The following SEPTIN10 variants were observed in gnomAD, a reference collection of about 807,000 sequenced individuals.
SEPTIN10 encodes septin-10.
Under a neutral mutation model 54.8 loss-of-function variants are expected in SEPTIN10, and 66 were observed. The ratio of observed to expected loss-of-function variants is 1.21; its 90% CI spans 0.99 to 1.48. SEPTIN10 has a LOEUF of 1.48. Among genes scored for constraint, SEPTIN10 ranks in the 40% most tolerant of loss-of-function variants. The pLI is 0.00. For synonymous variants in SEPTIN10, 161 were observed against 181.0 expected, an observed-to-expected ratio of 0.89 and a Z score of 0.89; for missense variants, 620 against 545.6, an observed-to-expected ratio of 1.14 and a Z score of -1.36.
intron 8 of SEPTIN10, among the ~76,000 whole-genome samples, chr2:109,557,057 A>G (rs1017671007): frequency 2.0e-5 from 3 of 152,118 alleles, no homozygotes; most frequent in Non-Finnish European, 4.4e-5. Context: ...GCATTAGGAG[A>G]TATACCTAAT....
chr2:109,565,816 T>G lies in SEPTIN10; in HGVS notation c.806A>C (p.Lys269Thr). ...AGCTTTGACCATCTTGTTTCCGACT[T>G]TTACCTCATCCATACTTCCCACAAC... ...FAVVGSMDEV[K>T]VGNKMVKARQ... Residue 269 changes from lysine to threonine, a missense_variant, in exon 7 of 11, where the codon AAA (lysine) becomes ACA (threonine). Lys to Thr is a moderately conservative substitution (Grantham distance 78). Coordinates refer to ENST00000397712, the MANE Select transcript of SEPTIN10 (RefSeq NM_144710.5). 6.2e-7 allele frequency: 1 copy of G among 1,614,058 alleles called. No homozygotes were observed. Among genetic ancestry groups the G allele is most frequent in the Non-Finnish European group, 8.5e-7 (1 of 1,180,002 alleles).
chr2:109,588,991 A>C (rs1693284066), intron 2 of SEPTIN10, among the ~76,000 whole-genome samples: 3 of 152,042 alleles, frequency 2.0e-5, no homozygotes, highest in Non-Finnish European at 1.5e-5. Flanking sequence ...ATAGAAAATT[A>C]GTTATCAAGA....
At chr2:109,551,528 G>A (rs1484982134) in intron 9 of SEPTIN10, among the ~76,000 whole-genome samples, 1 of 152,142 alleles carries the variant, frequency 6.6e-6, no homozygotes, top group Non-Finnish European at 1.5e-5. Context: ...CCAATCTTGG[G>A]GCAACTGGGG....
At chr2:109,588,413 T>C (rs1400433363) in intron 2 of SEPTIN10, among the ~76,000 whole-genome samples, 1 of 152,186 alleles carries the variant, frequency 6.6e-6, no homozygotes, top group Non-Finnish European at 1.5e-5. Context: ...CATGCACAAG[T>C]AAAATGTATA....
At chr2:109,545,918 C>T in intron 10 of SEPTIN10, 132 bp downstream of exon 10, 1 of 1,451,206 alleles carries the variant, frequency 6.9e-7, no homozygotes, top group Non-Finnish European at 9.2e-7. Context: ...CTCTCCTCTC[C>T]AGGAGCTGAC....
In SEPTIN10 at chr2:109,574,613, C is replaced by T. The variant is rs776879717; in HGVS notation, c.568G>A (p.Asp190Asn). 1.3e-6 allele frequency: 2 copies of T among 1,597,260 alleles called. No homozygotes were observed. Among genetic ancestry groups the T allele is most frequent in the South Asian group, 1.1e-5 (1 of 87,196 alleles). ...SPTGHSLKTLDLLTMKNLDSK... is the reference protein window; with the variant it reads ...SPTGHSLKTLNLLTMKNLDSK... The stretch of plus-strand genomic sequence containing the variant: ...TCAAGGTTCTTCATGGTTAAGAGAT[C>T]AAGTGTCTTCAGAGAGTGGCCTGTC... Residue 190 changes from aspartate to asparagine, a missense_variant, in exon 5 of 11, where the codon GAT becomes AAT. Asp to Asn is a conservative substitution (Grantham distance 23, BLOSUM62 1). Transcript: ENST00000397712.
At position 109,585,295 on chromosome 2, in the gene SEPTIN10, G is replaced by A. The variant is rs779823796; in HGVS notation, c.244C>T (p.Leu82=). 1.2e-6 allele frequency: 2 copies of A among 1,604,612 alleles called. No homozygotes were observed. The highest frequency in any genetic ancestry group is 1.1e-5 in the South Asian group (1 of 88,508). ...VGETGIGKST[L]IDTLFNTNFE... Reference sequence around the variant, plus strand: ...TTAGTATTAAACAATGTGTCAATCAGTGTTGATTTTCCAATTCCAGTTTCC... The same window carrying A: ...TTAGTATTAAACAATGTGTCAATCAATGTTGATTTTCCAATTCCAGTTTCC... The change falls in exon 4 of 11, where the codon CTG becomes TTG. Residue 82 remains leucine, a synonymous_variant. Coordinates refer to ENST00000397712, the MANE Select transcript of SEPTIN10 (RefSeq NM_144710.5).
intron 9 of SEPTIN10, among the ~76,000 whole-genome samples, chr2:109,546,575 A>G (rs141545271): frequency 6.8e-4 from 103 of 152,314 alleles, no homozygotes; most frequent in African/African-American, 2.0e-3. Context: ...CTCAATAAAA[A>G]TAAGAGATGC....
chr2:109,573,103 C>T (rs1297590396), intron 5 of SEPTIN10, among the ~76,000 whole-genome samples: 1 of 152,122 alleles, frequency 6.6e-6, no homozygotes. Flanking sequence ...ATTTGCTAAA[C>T]CCTCTATTTA....
chr2:109,608,182 C>T (rs1277701351), intron 1 of SEPTIN10, among the ~76,000 whole-genome samples: 1 of 152,134 alleles, frequency 6.6e-6, no homozygotes, highest in Non-Finnish European at 1.5e-5. Flanking sequence ...GAGCTCAAGG[C>T]AATGTTCCTG....
At chr2:109,574,443 TAAA>T (rs55980206) in intron 5 of SEPTIN10, 135 bp downstream of exon 5, 26,334 of 268,836 alleles carry the variant, frequency 0.098, 448 homozygotes, top group Non-Finnish European at 0.1. Context: ...ACTTTATCTC[TAAA>T]AAAAAAAAAA....
intron 7 of SEPTIN10, among the ~76,000 whole-genome samples, chr2:109,565,194 T>G (rs1686686315): frequency 6.6e-6 from 1 of 152,128 alleles, no homozygotes; most frequent in African/African-American, 2.4e-5. Flanking sequence ...TTTTCATTCA[T>G]TACAAAATTT....
chr2:109,564,192 AG>A, intron 8 of SEPTIN10, 173 bp downstream of exon 8: 2 of 516,244 alleles, frequency 3.9e-6, no homozygotes, highest in Non-Finnish European at 6.1e-6. Flanking sequence ...ACTCTTCAAA[AG>A]CAAGAAGGAG....
intron 1 of SEPTIN10, among the ~76,000 whole-genome samples, chr2:109,612,142 A>C (rs757675427): frequency 6.6e-5 from 10 of 152,220 alleles, no homozygotes; most frequent in African/African-American, 2.2e-4. Flanking sequence ...CAAACTGCAG[A>C]TATATGCAAC....
At chr2:109,570,299 T>C (rs1254596661) in intron 5 of SEPTIN10, among the ~76,000 whole-genome samples, 3 of 152,142 alleles carry the variant, frequency 2.0e-5, no homozygotes, top group East Asian at 3.9e-4. Context: ...TATTTCATTT[T>C]GGTTTGAATG....
intron 2 of SEPTIN10, among the ~76,000 whole-genome samples, chr2:109,590,312 C>T (rs570773795): frequency 9.9e-5 from 15 of 152,090 alleles, no homozygotes; most frequent in Admixed American, 4.6e-4. Context: ...TTAAATCAAA[C>T]GCTAACCTAG....
At chr2:109,558,931 G>T (rs1383016248) in intron 8 of SEPTIN10, among the ~76,000 whole-genome samples, 1 of 151,796 alleles carries the variant, frequency 6.6e-6, no homozygotes, top group African/African-American at 2.4e-5. Context: ...TGTTGCCCAG[G>T]CTGGAGTGCA....
At chr2:109,589,907 T>C (rs544761216) in intron 2 of SEPTIN10, among the ~76,000 whole-genome samples, 3 of 152,210 alleles carry the variant, frequency 2.0e-5, no homozygotes, top group South Asian at 4.1e-4. Flanking sequence ...AAACTACTGA[T>C]ACGTGTCACA....
chr2:109,590,082 G>GTA (rs1394217040), intron 2 of SEPTIN10, among the ~76,000 whole-genome samples: 1 of 145,154 alleles, frequency 6.9e-6, no homozygotes, highest in Admixed American at 6.8e-5. Context: ...ACATATATAT[G>GTA]TATATATATA....
Sources: allele counts gnomAD v4.1 joint callset (sites outside exome capture counted in the v4.1 genomes callset), GRCh38; gene constraint gnomAD v4.1.1; transcripts MANE v1.5; gene names NCBI Gene and HGNC (gene_info 2026-07-23, HGNC 2026-07-21).